The following TAAR5 variants were observed in gnomAD, a reference collection of about 807,000 sequenced individuals.
TAAR5 encodes trace amine associated receptor 5, also known as trace amine-associated receptor 5.
A neutral mutation model predicts 21.1 loss-of-function variants in TAAR5; 27 were observed. The ratio of observed to expected loss-of-function variants is 1.28; its 90% CI spans 0.94 to 1.76. The LOEUF is 1.76. Among genes scored for constraint, TAAR5 ranks in the 40% most tolerant of loss-of-function variants. The pLI is 0.00. For missense variants in TAAR5, 495 were observed against 405.6 expected (o/e 1.22, Z -1.89); for synonymous variants, 203 against 167.5 (o/e 1.21, Z -1.64).
At chr6:132,598,203 T>C in the TAAR5 span, among the ~76,000 whole-genome samples, 1 of 152,156 alleles carries the variant, frequency 6.6e-6, no homozygotes, top group East Asian at 1.9e-4. Flanking sequence ...CTTACAATAG[T>C]GGCATAGGTA....
rs777497654 is a variant in TAAR5, at chr6:132,589,508, G to A, written c.179C>T (p.Ser60Phe). ...LGNVFVAFAVSYFKALHTPTN... is the reference protein window; with the variant it reads ...LGNVFVAFAVFYFKALHTPTN... ...GGGCGTGTGAAGCGCTTTGAAGTAG[G>A]ACACAGCAAATGCCACAAATACATT... Residue 60 changes from serine (S) to phenylalanine (F), a missense_variant, in exon 1 of 1, where the codon TCC becomes TTC. Coordinates refer to ENST00000258034, the MANE Select transcript of TAAR5 (RefSeq NM_003967.3). 3 of 1,613,888 alleles carry A rather than the reference G, an allele frequency of 1.9e-6. No individual in the cohort carries two copies. In the South Asian group the frequency reaches 3.3e-5, roughly 18 times the overall value.
At chr6:132,606,856 G>A in the TAAR5 span, among the ~76,000 whole-genome samples, 3 of 152,108 alleles carry the variant, frequency 2.0e-5, no homozygotes, top group African/African-American at 4.8e-5. Context: ...TAAAATTTCC[G>A]ATTTCAAAGT....
the TAAR5 span, among the ~76,000 whole-genome samples, chr6:132,607,674 A>G: frequency 1.3e-5 from 2 of 152,244 alleles, no homozygotes; most frequent in African/African-American, 4.8e-5. Context: ...GTGATTCATA[A>G]TCAACCTGCT....
chr6:132,612,886 G>T, the TAAR5 span, among the ~76,000 whole-genome samples: 4 of 152,178 alleles, frequency 2.6e-5, no homozygotes, highest in Non-Finnish European at 4.4e-5. Context: ...TGATTACACA[G>T]GGGACTCTGC....
upstream of TAAR5, among the ~76,000 whole-genome samples, chr6:132,592,127 C>T (rs550618379): frequency 4.4e-4 from 67 of 152,202 alleles, no homozygotes; most frequent in Non-Finnish European, 9.0e-4. Flanking sequence ...TTCCTGCTTA[C>T]CTTAGGGATT....
the TAAR5 span, among the ~76,000 whole-genome samples, chr6:132,600,572 A>AG: frequency 6.6e-6 from 1 of 152,174 alleles, no homozygotes; most frequent in African/African-American, 2.4e-5. Context: ...TTCTAAAAGT[A>AG]GGAACAACAA....
chr6:132,592,072 T>C (rs1308512031), upstream of TAAR5, among the ~76,000 whole-genome samples: 1 of 152,212 alleles, frequency 6.6e-6, no homozygotes, highest in Non-Finnish European at 1.5e-5. Flanking sequence ...TTCCATTACA[T>C]AACAATCACA....
chr6:132,600,055 G>C, the TAAR5 span, among the ~76,000 whole-genome samples: 1 of 152,168 alleles, frequency 6.6e-6, no homozygotes, highest in African/African-American at 2.4e-5. Flanking sequence ...TACCTCCCTA[G>C]ATTGGGGAAA....
At chr6:132,595,343 T>C in the TAAR5 span, 2 of 152,552 alleles carry the variant, frequency 1.3e-5, no homozygotes, top group Admixed American at 1.3e-4. Context: ...GCCCAGACAC[T>C]CAGCACCGGC....
the TAAR5 span, among the ~76,000 whole-genome samples, chr6:132,607,234 G>T: frequency 1.3e-5 from 2 of 151,826 alleles, no homozygotes; most frequent in African/African-American, 4.8e-5. Flanking sequence ...TAAAAGAAAA[G>T]GAAGAAAAGG....
chr6:132,592,425 G>A (rs938428675), upstream of TAAR5, among the ~76,000 whole-genome samples: 2 of 152,192 alleles, frequency 1.3e-5, no homozygotes, highest in African/African-American at 4.8e-5. Flanking sequence ...GTCTATGGAC[G>A]GTCTTTGCCT....
chr6:132,590,513 C>T (rs1262781938), upstream of TAAR5, among the ~76,000 whole-genome samples: 5 of 152,114 alleles, frequency 3.3e-5, no homozygotes, highest in Admixed American at 2.6e-4. Flanking sequence ...AATCAGAATC[C>T]CTTCCTGGGA....
chr6:132,600,991 AGGAG>A, the TAAR5 span, among the ~76,000 whole-genome samples: 1 of 97,360 alleles, frequency 1.0e-5, no homozygotes, highest in Non-Finnish European at 2.1e-5. Context: ...GAAGGAAGGA[AGGAG>A]GGAAGGAGGG....
At chr6:132,597,497 T>C in the TAAR5 span, among the ~76,000 whole-genome samples, 14 of 152,338 alleles carry the variant, frequency 9.2e-5, no homozygotes, top group Middle Eastern at 6.8e-3. Context: ...TTTTGTTTAT[T>C]ATTTAAAACT....
At chr6:132,602,779 CAA>C in the TAAR5 span, among the ~76,000 whole-genome samples, 1,839 of 95,888 alleles carry the variant, frequency 0.019, 35 homozygotes, top group African/African-American at 0.061. Context: ...CTTTAGAAGT[CAA>C]AAAAAAAAAA....
At chr6:132,590,265 C>G (rs969323343), upstream of TAAR5, among the ~76,000 whole-genome samples, 60 of 152,236 alleles carry the variant, frequency 3.9e-4, no homozygotes, top group African/African-American at 1.4e-3. Context: ...GCCAACTCTT[C>G]CCAAGAGAAG....
the TAAR5 span, among the ~76,000 whole-genome samples, chr6:132,613,849 G>A: frequency 1.3e-5 from 2 of 152,098 alleles, no homozygotes; most frequent in African/African-American, 4.8e-5. Context: ...GCTCTACATG[G>A]CACCAAATAA....
chr6:132,607,544 G>A, the TAAR5 span, among the ~76,000 whole-genome samples: 997 of 152,208 alleles, frequency 6.6e-3, 6 homozygotes, highest in South Asian at 0.012. Flanking sequence ...TGTGATTGCT[G>A]GCCAATCATG....
In TAAR5 at chr6:132,588,731, G is replaced by A. The variant is rs1456401628; in HGVS notation, c.956C>T (p.Thr319Ile). 8 of 1,613,944 alleles carry A rather than the reference G, an allele frequency of 5.0e-6. No individual in the cohort carries two copies. In the African/African-American group the frequency reaches 9.3e-5, roughly 19 times the overall value. ...CGGTGAGAAGACCTTCTGGCTCAGTGTGAGTTTCAGTGCCTTCCGAAACCA... is the reference window on the plus strand; with the variant it reads ...CGGTGAGAAGACCTTCTGGCTCAGTATGAGTTTCAGTGCCTTCCGAAACCA... ...YQWFRKALKL[T>I]LSQKVFSPQT... The change falls in exon 1 of 1, where the codon ACA becomes ATA. Residue 319 changes from threonine (T) to isoleucine (I), a missense_variant. Thr to Ile is a moderately conservative substitution (Grantham distance 89). Transcript: ENST00000258034.
Sources: allele counts gnomAD v4.1 joint callset (sites outside exome capture counted in the v4.1 genomes callset), GRCh38; gene constraint gnomAD v4.1.1; transcripts MANE v1.5; gene names NCBI Gene and HGNC (gene_info 2026-07-23, HGNC 2026-07-21).